FAM168B: variants seen among roughly 807,000 people sequenced by gnomAD.
FAM168B encodes the protein family with sequence similarity 168 member B.
A neutral mutation model predicts 21.8 loss-of-function variants in FAM168B; 19 were observed. The ratio of observed to expected loss-of-function variants is 0.87; its 90% CI spans 0.61 to 1.28. The LOEUF (loss-of-function observed/expected upper bound fraction) is 1.28. Among genes scored for constraint, FAM168B ranks in the 50% most tolerant of loss-of-function variants. The pLI is 0.00. For missense variants in FAM168B, 233 were observed against 263.1 expected (o/e 0.89, Z 0.79); for synonymous variants, 126 against 104.8 (o/e 1.20, Z -1.24).
chr2:131,093,205 C>T lies in FAM168B; in HGVS notation c.-12+9G>A, dbSNP rs1025627729. The T allele has an allele frequency of 6.6e-6, 1 of 150,520 alleles. No individual in the cohort carries two copies. Among genetic ancestry groups the T allele is most frequent in the African/African-American group, 2.4e-5 (1 of 41,268 alleles). 9.3% of individuals were successfully genotyped at this position (150,520 alleles called of 1,614,324 possible). ...GACGCGCAGTCGCCCGCTGCCCGCCCCCACTCACCGCGCCGCGGCGGCGAC... is the reference window on the plus strand; with the variant it reads ...GACGCGCAGTCGCCCGCTGCCCGCCTCCACTCACCGCGCCGCGGCGGCGAC... On this transcript the variant is annotated intron_variant, in intron 1 of 6. Coordinates refer to ENST00000389915, the MANE Select transcript of FAM168B (RefSeq NM_001009993.4).
chr2:131,059,865 T>C (rs1477168612), intron 3 of FAM168B, among the ~76,000 whole-genome samples: 5 of 152,184 alleles, frequency 3.3e-5, no homozygotes, highest in African/African-American at 9.7e-5. Context: ...AGCTGATGAA[T>C]ATAATGTCTG....
chr2:131,052,831 C>T (rs1691765090), intron 6 of FAM168B, 60 bp downstream of exon 6: 2 of 1,531,250 alleles, frequency 1.3e-6, no homozygotes, highest in Non-Finnish European at 1.8e-6. Context: ...GTAAATTTGC[C>T]ACTGTCCCAT....
rs74379666 is a variant in FAM168B, at chr2:131,050,409, C to A, written c.*2056G>T. On this transcript the variant is annotated 3_prime_UTR_variant, in exon 7 of 7. Coordinates refer to ENST00000389915, the MANE Select transcript of FAM168B (RefSeq NM_001009993.4). ...CCTGGAACCGTTAGAACCTACTAATCCTGCCAACCATCCACTAAACAGATG... is the reference window on the plus strand; with the variant it reads ...CCTGGAACCGTTAGAACCTACTAATACTGCCAACCATCCACTAAACAGATG... The A allele has an allele frequency of 1.3e-3, 1,261 of 985,788 alleles. 10 individuals carry two copies. In the African/African-American group the frequency reaches 0.02, roughly 15 times the overall value. The allele number at this position is 985,788 out of a possible 1,614,324, so 61.1% of individuals were successfully genotyped here.
At chr2:131,082,044 T>A (rs1693455327) in intron 2 of FAM168B, among the ~76,000 whole-genome samples, 4 of 152,122 alleles carry the variant, frequency 2.6e-5, no homozygotes, top group Admixed American at 2.6e-4. Context: ...CCCCTCAATA[T>A]CCATTTCGCT....
chr2:131,053,022 G>GAA lies in FAM168B; in HGVS notation c.476-9_476-8dup, dbSNP rs777714203. 7.1e-6 allele frequency: 11 copies of GAA among 1,547,150 alleles called. No homozygotes were observed. The highest frequency in any genetic ancestry group is 9.6e-6 in the Non-Finnish European group (11 of 1,145,074). On this transcript the variant is annotated splice_region_variant and splice_polypyrimidine_tract_variant and intron_variant, in intron 5 of 6. Coordinates refer to ENST00000389915, the MANE Select transcript of FAM168B (RefSeq NM_001009993.4). Reference sequence around the variant, plus strand: ...TGAGCAGTCAGCAGGGTACCTGGAAGAAAGAGCAGCACATGACATGAGGCT... The same window carrying GAA: ...TGAGCAGTCAGCAGGGTACCTGGAAGAAAAAGAGCAGCACATGACATGAGGCT...
Position 131,052,456 on chromosome 2 carries a change from C to A in FAM168B, c.*13-4G>T. 7.0e-6 allele frequency: 7 copies of A among 997,382 alleles called. No individual in the cohort carries two copies. The highest frequency in any genetic ancestry group is 7.2e-6 in the Non-Finnish European group (6 of 836,640). 61.8% of individuals were successfully genotyped at this position (997,382 alleles called of 1,614,324 possible). A position where few individuals can be genotyped will look rare whatever the true frequency, so the allele number is the denominator to read the frequency against. ...CTGCACAGCTCCGTCCTCAAACCTG[C>A]AGAAAGGAAGACAGACACTCAGTCA... On this transcript the variant is annotated splice_region_variant and splice_polypyrimidine_tract_variant and intron_variant, in intron 6 of 6. Transcript: ENST00000389915.
intron 3 of FAM168B, among the ~76,000 whole-genome samples, chr2:131,056,383 G>C (rs1692020837): frequency 6.6e-6 from 1 of 152,190 alleles, no homozygotes; most frequent in Non-Finnish European, 1.5e-5. Context: ...AGCTGAAGTG[G>C]AGGATGATTG....
In FAM168B at chr2:131,066,471, G is replaced by A. The variant is rs111774056; in HGVS notation, c.154+5384C>T. Among the ~76,000 whole-genome samples, 145 of 152,232 alleles carry A rather than the reference G, an allele frequency of 9.5e-4. 1 individual carries two copies. Among genetic ancestry groups the A allele is most frequent in the East Asian group, 5.8e-3 (30 of 5,192 alleles). The stretch of plus-strand genomic sequence containing the variant: ...ATTACAGGCATGAGCCATTGCACCC[G>A]GCCTAAATTTGTACCTTTTAAAAAT... On this transcript the variant is annotated intron_variant, in intron 3 of 6. Transcript: ENST00000389915.
chr2:131,079,855 G>A (rs1027178512), intron 2 of FAM168B, among the ~76,000 whole-genome samples: 2 of 152,114 alleles, frequency 1.3e-5, no homozygotes, highest in Non-Finnish European at 2.9e-5. Context: ...AGTGGCTCAC[G>A]CTTGTAATCC....
At chr2:131,088,556 G>A (rs1693837981) in intron 1 of FAM168B, among the ~76,000 whole-genome samples, 1 of 152,282 alleles carries the variant, frequency 6.6e-6, no homozygotes, top group South Asian at 2.1e-4. Context: ...TCTGGGACAC[G>A]ACTGAATACT....
intron 3 of FAM168B, among the ~76,000 whole-genome samples, chr2:131,066,833 A>T (rs1692585932): frequency 6.6e-6 from 1 of 152,196 alleles, no homozygotes; most frequent in Admixed American, 6.5e-5. Flanking sequence ...TGATTCCAAA[A>T]ATGGACAGCC....
intron 2 of FAM168B, among the ~76,000 whole-genome samples, 174 bp downstream of exon 2, chr2:131,082,403 T>C (rs1693468682): frequency 6.6e-6 from 1 of 152,184 alleles, no homozygotes. Flanking sequence ...CTGGAGCCAC[T>C]AGATCAAGTT....
intron 2 of FAM168B, among the ~76,000 whole-genome samples, chr2:131,080,672 A>G (rs1047821500): frequency 2.0e-5 from 3 of 149,178 alleles, no homozygotes; most frequent in Non-Finnish European, 4.4e-5. Context: ...AAGAATAGTA[A>G]AAGAATTTTT....
chr2:131,092,890 G>C (rs553214988), intron 1 of FAM168B, among the ~76,000 whole-genome samples: 16 of 152,230 alleles, frequency 1.1e-4, no homozygotes, highest in Admixed American at 9.8e-4. Context: ...TTGTCACAAA[G>C]CTCTGCCCCC....
In FAM168B at chr2:131,056,692, C is replaced by T. The variant is rs75663728; in HGVS notation, c.155-997G>A. 7.2e-3 allele frequency among the ~76,000 whole-genome samples: 1,097 copies of T among 152,282 alleles called. 19 individuals are homozygous for T. The highest frequency in any genetic ancestry group is 0.025 in the African/African-American group (1,025 of 41,542). ...AATGGCCCAGATGCCCACCAGGAGA[C>T]AAATGGGTAAACACACTGTGGTGCA... On this transcript the variant is annotated intron_variant, in intron 3 of 6. Transcript: ENST00000389915.
At chr2:131,090,580 G>C (rs925385344) in intron 1 of FAM168B, among the ~76,000 whole-genome samples, 7 of 152,072 alleles carry the variant, frequency 4.6e-5, no homozygotes, top group Admixed American at 6.6e-5. Context: ...ACATCAACAA[G>C]AGCTTGTAGA....
chr2:131,088,172 G>A (rs1466291650), intron 1 of FAM168B, among the ~76,000 whole-genome samples: 1 of 152,144 alleles, frequency 6.6e-6, no homozygotes, highest in African/African-American at 2.4e-5. Context: ...CTTCAACCTG[G>A]GAGGTAGAGG....
At chr2:131,093,015 T>G (rs1694114896) in intron 1 of FAM168B, among the ~76,000 whole-genome samples, 199 bp downstream of exon 1, 1 of 151,472 alleles carries the variant, frequency 6.6e-6, no homozygotes, top group African/African-American at 2.4e-5. Context: ...GGACCGCACC[T>G]GCACGCGTAC....
Position 131,051,217 on chromosome 2 carries a change from C to T in FAM168B, c.*1248G>A. The T allele has an allele frequency of 1.0e-6, 1 of 985,340 alleles. No homozygotes were observed. Among genetic ancestry groups the T allele is most frequent in the Non-Finnish European group, 1.2e-6 (1 of 829,948 alleles). The allele number at this position is 985,340 out of a possible 1,614,324, so 61.0% of individuals were successfully genotyped here. ...TCCCCCTCGCCCCATCTCTAAGCGT[C>T]CCCTCCAGCCGGCCTCAGCAGACAA... On this transcript the variant is annotated 3_prime_UTR_variant, in exon 7 of 7. Transcript: ENST00000389915.
Sources: gnomAD v4.1 joint callset for allele counts (sites outside exome capture counted in the v4.1 genomes callset) on GRCh38, gnomAD v4.1.1 for gene constraint, MANE v1.5 for transcripts, NCBI Gene and HGNC (gene_info 2026-07-23, HGNC 2026-07-21) for gene names.